Variants in FAM24B observed in about 807,000 individuals in gnomAD.
FAM24B encodes protein FAM24B.
FAM24B carries 3 observed loss-of-function variants against 2.3 expected under a neutral mutation model. The ratio of observed to expected loss-of-function variants is 1.29; its 90% CI spans 0.59 to 3.32. FAM24B has a LOEUF of 3.32. Ranked by LOEUF, FAM24B falls within the 30% of genes most tolerant of loss-of-function variation. The pLI is 0.03. For missense variants in FAM24B, 98 were observed against 117.2 expected, an observed-to-expected ratio of 0.84 and a Z score of 0.76; for synonymous variants, 36 against 46.3, an observed-to-expected ratio of 0.78 and a Z score of 0.90.
chr10:122,875,318 A>G (rs1162422904), intron 1 of FAM24B, among the ~76,000 whole-genome samples: 1 of 151,442 alleles, frequency 6.6e-6, no homozygotes, highest in East Asian at 1.9e-4. Flanking sequence ...TTACCCATTC[A>G]CTCTTGTATG....
At chr10:122,868,547 C>T (rs1847839090) in intron 1 of FAM24B, among the ~76,000 whole-genome samples, 1 of 152,068 alleles carries the variant, frequency 6.6e-6, no homozygotes. Flanking sequence ...GGTCGGGTTA[C>T]CCACAAAGGG....
intron 2 of FAM24B, among the ~76,000 whole-genome samples, chr10:122,851,067 G>T (rs1239751912): frequency 1.3e-5 from 2 of 152,158 alleles, no homozygotes; most frequent in Non-Finnish European, 2.9e-5. Context: ...TTTAGGAAAA[G>T]AACTTTACAA....
At chr10:122,851,978 C>CTT (rs1450722429) in intron 2 of FAM24B, among the ~76,000 whole-genome samples, 1 of 152,026 alleles carries the variant, frequency 6.6e-6, no homozygotes, top group Non-Finnish European at 1.5e-5. Context: ...ACTAGAAGGG[C>CTT]TTTCATAGCA....
chr10:122,878,303 CG>C (rs1298527025), intron 1 of FAM24B, among the ~76,000 whole-genome samples: 3 of 152,070 alleles, frequency 2.0e-5, no homozygotes, highest in African/African-American at 7.2e-5. Context: ...GGAGCCGAGG[CG>C]GGCGGATCAC....
chr10:122,870,876 A>C (rs1480959859), intron 1 of FAM24B, among the ~76,000 whole-genome samples: 1 of 152,214 alleles, frequency 6.6e-6, no homozygotes, highest in Non-Finnish European at 1.5e-5. Flanking sequence ...AAACTGGCAC[A>C]AGACAGGGAT....
intron 1 of FAM24B, among the ~76,000 whole-genome samples, chr10:122,868,270 ATATGGGAC>A (rs1427673967): frequency 6.6e-6 from 1 of 152,224 alleles, no homozygotes; most frequent in Non-Finnish European, 1.5e-5. Context: ...CCTCCAAGAA[ATATGGGAC>A]TATGTGAAAA....
chr10:122,850,677 C>T (rs1036409272), intron 2 of FAM24B, 127 bp from the exon 3 acceptor site: 5 of 580,058 alleles, frequency 8.6e-6, no homozygotes, highest in African/African-American at 7.4e-5. Context: ...GTGTAAAACA[C>T]AAATGTCTTC....
At chr10:122,868,803 C>A (rs1467598847) in intron 1 of FAM24B, among the ~76,000 whole-genome samples, 1 of 152,184 alleles carries the variant, frequency 6.6e-6, no homozygotes, top group East Asian at 1.9e-4. Flanking sequence ...TGGAAAGGAA[C>A]AACTGGTACC....
intron 2 of FAM24B, among the ~76,000 whole-genome samples, chr10:122,852,112 G>C (rs1381591513): frequency 6.6e-6 from 1 of 152,184 alleles, no homozygotes. Context: ...ACAAACATGT[G>C]AAGGGCTTGG....
At chr10:122,860,609 C>G (rs2994805) in intron 1 of FAM24B, among the ~76,000 whole-genome samples, 151,368 of 152,380 alleles carry the variant, frequency 0.99, 75,191 homozygotes, top group East Asian at 1. Flanking sequence ...TTACAGAGTG[C>G]TTGTATCATT....
At chr10:122,870,211 A>G (rs1847870620) in intron 1 of FAM24B, among the ~76,000 whole-genome samples, 1 of 152,224 alleles carries the variant, frequency 6.6e-6, no homozygotes, top group African/African-American at 2.4e-5. Context: ...TCCTCGACAC[A>G]TACACTCTCC....
intron 1 of FAM24B, among the ~76,000 whole-genome samples, chr10:122,873,446 C>T (rs1349838183): frequency 1.3e-5 from 2 of 152,324 alleles, no homozygotes; most frequent in Non-Finnish European, 1.5e-5. Flanking sequence ...AAAAAAGTTC[C>T]TTTCAATACA....
At chr10:122,850,401 T>G in intron 3 of FAM24B, 23 bp downstream of exon 3, 2 of 1,593,778 alleles carry the variant, frequency 1.3e-6, no homozygotes. Flanking sequence ...TAGTACGTTG[T>G]TTATTTTGAA....
chr10:122,859,071 T>A (rs965995458), intron 1 of FAM24B, among the ~76,000 whole-genome samples: 17 of 152,192 alleles, frequency 1.1e-4, no homozygotes, highest in African/African-American at 4.1e-4. Flanking sequence ...TGGATGGAAG[T>A]GGACAGCACA....
At chr10:122,861,138 CTGTA>C (rs1003674379) in intron 1 of FAM24B, among the ~76,000 whole-genome samples, 10 of 152,070 alleles carry the variant, frequency 6.6e-5, no homozygotes, top group African/African-American at 2.2e-4. Context: ...CTATTTTCTT[CTGTA>C]TGTTTTATAG....
At chr10:122,850,045 G>A (rs1206667734) in intron 3 of FAM24B, among the ~76,000 whole-genome samples, 2 of 152,110 alleles carry the variant, frequency 1.3e-5, no homozygotes, top group Non-Finnish European at 2.9e-5. Context: ...GGCAGAGCTC[G>A]TTCATGCAGC....
intron 1 of FAM24B, among the ~76,000 whole-genome samples, chr10:122,857,113 T>A (rs1170239332): frequency 6.6e-6 from 1 of 152,206 alleles, no homozygotes; most frequent in African/African-American, 2.4e-5. Context: ...TTACTTCTCC[T>A]TCCCAGGCTA....
At chr10:122,852,034 T>C (rs1331920741) in intron 2 of FAM24B, among the ~76,000 whole-genome samples, 1 of 152,060 alleles carries the variant, frequency 6.6e-6, no homozygotes, top group Non-Finnish European at 1.5e-5. Context: ...ATAGTTGAGA[T>C]TATCCAAACT....
intron 2 of FAM24B, among the ~76,000 whole-genome samples, chr10:122,854,404 A>T (rs1402960939): frequency 6.6e-6 from 1 of 152,112 alleles, no homozygotes; most frequent in Admixed American, 6.5e-5. Flanking sequence ...CTAGTTCTAT[A>T]ATCCTTCCCT....
Sources: gnomAD v4.1 joint callset for allele counts (sites outside exome capture counted in the v4.1 genomes callset) on GRCh38, gnomAD v4.1.1 for gene constraint, MANE v1.5 for transcripts, NCBI Gene and HGNC (gene_info 2026-07-23, HGNC 2026-07-21) for gene names.